The following PSME4 variants were observed in gnomAD, a reference collection of about 807,000 sequenced individuals.
PSME4 encodes proteasome activator subunit 4.
In PSME4, 89 loss-of-function variants were observed where a neutral mutation model predicts 253.9. The ratio of observed to expected loss-of-function variants is 0.35; its 90% CI spans 0.30 to 0.42. The LOEUF is 0.42. PSME4 is among the 10% of genes least tolerant of loss of function. The pLI is 1.00. For synonymous variants in PSME4, 851 were observed against 759.2 expected, an observed-to-expected ratio of 1.12 and a Z score of -1.99; for missense variants, 2,014 against 2,195.2, an observed-to-expected ratio of 0.92 and a Z score of 1.65.
In PSME4 at chr2:53,894,885, C is replaced by T. The variant is rs1558659652; in HGVS notation, c.3912+122G>A. On this transcript the variant is annotated intron_variant, in intron 34 of 46. Transcript: ENST00000404125. ...CATAGTCACCAATATTTATGCAGTG[C>T]TATACAGAAAAACACAAATTGTATT... 1.7e-5 allele frequency: 14 copies of T among 805,234 alleles called. No individual in the cohort carries two copies. The South Asian group carries it at 2.1e-4, about 12-fold the overall frequency. 49.9% of individuals were successfully genotyped at this position (805,234 alleles called of 1,614,324 possible).
chr2:53,927,517 A>G (rs776670243), intron 11 of PSME4, 34 bp from the exon 12 acceptor site: 15 of 1,379,608 alleles, frequency 1.1e-5, no homozygotes, highest in Admixed American at 1.7e-5. Flanking sequence ...TCAACATTAC[A>G]TAATTCTAAT....
chr2:53,887,480 ATACT>A lies in PSME4; in HGVS notation c.4521-17_4521-14del, dbSNP rs1436972650. On this transcript the variant is annotated splice_polypyrimidine_tract_variant and intron_variant, in intron 39 of 46. Transcript: ENST00000404125. Reference sequence around the variant, plus strand: ...GTAGGTCAGCACACTGCAAAATAAAATACTTAATAATAGGAAGAGGTGCCACATT... The same window carrying A: ...GTAGGTCAGCACACTGCAAAATAAAATAATAATAGGAAGAGGTGCCACATT... The A allele has an allele frequency of 1.8e-5, 28 of 1,590,506 alleles. No homozygotes were observed. The highest frequency in any genetic ancestry group is 5.6e-5 in the South Asian group (5 of 89,350).
intron 3 of PSME4, chr2:53,942,079 A>G (rs1040704051): frequency 8.5e-5 from 13 of 152,558 alleles, no homozygotes; most frequent in African/African-American, 2.9e-4. Flanking sequence ...AATAAAGTCA[A>G]TTTCAACCCC....
At chr2:53,968,775 G>A (rs1426142511) in intron 1 of PSME4, among the ~76,000 whole-genome samples, 1 of 152,154 alleles carries the variant, frequency 6.6e-6, no homozygotes, top group Admixed American at 6.6e-5. Context: ...TAGCTCCATT[G>A]TTATTTTTAG....
At chr2:53,871,574 T>C (rs1678878872) in intron 43 of PSME4, among the ~76,000 whole-genome samples, 1 of 152,054 alleles carries the variant, frequency 6.6e-6, no homozygotes, top group Non-Finnish European at 1.5e-5. Flanking sequence ...ATTATTACAA[T>C]ACCACCACCA....
chr2:53,885,085 C>T (rs1471323467), intron 41 of PSME4, among the ~76,000 whole-genome samples: 1 of 152,192 alleles, frequency 6.6e-6, no homozygotes, highest in Non-Finnish European at 1.5e-5. Context: ...TTCCTAACCA[C>T]AGCCAACCAT....
At chr2:53,908,060 T>A in intron 24 of PSME4, 1 of 398,672 alleles carries the variant, frequency 2.5e-6, no homozygotes, top group Non-Finnish European at 4.5e-6. Flanking sequence ...TACAAGGTAG[T>A]CTCAATGCTA....
intron 41 of PSME4, among the ~76,000 whole-genome samples, chr2:53,884,368 G>A (rs1573212374): frequency 6.6e-6 from 1 of 152,056 alleles, no homozygotes; most frequent in East Asian, 1.9e-4. Context: ...GCGCCACCAT[G>A]CCCAGCTAAT....
chr2:53,871,962 C>T (rs577636577), intron 43 of PSME4, among the ~76,000 whole-genome samples: 2 of 152,006 alleles, frequency 1.3e-5, no homozygotes, highest in African/African-American at 2.4e-5. Context: ...TGCAGTGAGC[C>T]GAGATCGCAC....
At chr2:53,923,485 A>T in intron 14 of PSME4, 66 bp from the exon 15 acceptor site, 1 of 1,466,880 alleles carries the variant, frequency 6.8e-7, no homozygotes, top group Non-Finnish European at 9.0e-7. Flanking sequence ...CAGAACATAA[A>T]AGAAAATGAT....
intron 8 of PSME4, among the ~76,000 whole-genome samples, chr2:53,934,390 G>T (rs993386656): frequency 3.3e-5 from 5 of 152,174 alleles, no homozygotes; most frequent in South Asian, 4.1e-4. Flanking sequence ...CTAGATTTTT[G>T]ACTCTATTTA....
Position 53,888,798 on chromosome 2 carries a change from G to A in PSME4, c.4311C>T (p.Pro1437=), listed in dbSNP as rs756769262. ...CIATSCESRD[P]RKLHWLFELL... The stretch of plus-strand genomic sequence containing the variant: ...GTTCAAAAAGCCAGTGAAGTTTCCG[G>A]GGATCTCTGCTTTCCTGTGTTTAAA... The change falls in exon 38 of 47, where the codon CCC becomes CCT. Residue 1437 remains proline, a synonymous_variant. Coordinates refer to ENST00000404125, the MANE Select transcript of PSME4 (RefSeq NM_014614.3). The A allele has an allele frequency of 2.5e-6, 4 of 1,611,312 alleles. No homozygotes were observed. The Admixed American group carries it at 5.0e-5, about 20-fold the overall frequency.
At chr2:53,892,046 T>C (rs924339679) in intron 36 of PSME4, among the ~76,000 whole-genome samples, 2 of 152,074 alleles carry the variant, frequency 1.3e-5, no homozygotes, top group South Asian at 2.1e-4. Context: ...AAAGAACATA[T>C]AGGGATAGGA....
At chr2:53,901,022 G>C (rs1680375088) in intron 28 of PSME4, among the ~76,000 whole-genome samples, 1 of 152,120 alleles carries the variant, frequency 6.6e-6, no homozygotes, top group Admixed American at 6.5e-5. Context: ...ACTTTGGCTA[G>C]CATGGTAAAC....
At chr2:53,869,142 T>C (rs189022325) in intron 44 of PSME4, among the ~76,000 whole-genome samples, 57 of 152,298 alleles carry the variant, frequency 3.7e-4, no homozygotes, top group Non-Finnish European at 2.1e-4. Context: ...CTGAATACAA[T>C]AGTTGTTAGG....
intron 10 of PSME4, among the ~76,000 whole-genome samples, chr2:53,930,663 T>C (rs749960707): frequency 6.6e-6 from 1 of 152,152 alleles, no homozygotes; most frequent in Non-Finnish European, 1.5e-5. Flanking sequence ...AGCTCAAAAT[T>C]ATAGATAATG....
intron 3 of PSME4, among the ~76,000 whole-genome samples, chr2:53,944,933 T>C (rs1483646683): frequency 1.3e-5 from 2 of 152,084 alleles, no homozygotes; most frequent in African/African-American, 4.8e-5. Context: ...GAAAATATAA[T>C]ACTATATGAT....
At chr2:53,926,118 C>T (rs1668545476) in intron 12 of PSME4, 95 bp from the exon 13 acceptor site, 3 of 924,928 alleles carry the variant, frequency 3.2e-6, no homozygotes, top group Admixed American at 2.0e-5. Context: ...AATGTATCCA[C>T]ACTAAACCAT....
chr2:53,917,607 T>C (rs1668116891), intron 20 of PSME4, among the ~76,000 whole-genome samples: 1 of 152,174 alleles, frequency 6.6e-6, no homozygotes, highest in South Asian at 2.1e-4. Flanking sequence ...TAAAAATACA[T>C]GCTTTTGCTC....
Sources: gnomAD v4.1 joint callset for allele counts (sites outside exome capture counted in the v4.1 genomes callset) on GRCh38, gnomAD v4.1.1 for gene constraint, MANE v1.5 for transcripts, NCBI Gene and HGNC (gene_info 2026-07-23, HGNC 2026-07-21) for gene names.